Variants in SNX18 observed in about 807,000 individuals in gnomAD.
The protein encoded by SNX18 is sorting nexin-18.
In SNX18, 35 loss-of-function variants were observed where a neutral mutation model predicts 48.7. The ratio of observed to expected loss-of-function variants is 0.72; its 90% CI spans 0.55 to 0.95. SNX18 has a LOEUF of 0.95. SNX18 is among the 40% of genes least tolerant of loss of function. SNX18 has a pLI of 0.00. For synonymous variants in SNX18, 492 were observed against 384.7 expected (o/e 1.28, Z -3.26); for missense variants, 824 against 871.0 (o/e 0.95, Z 0.68).
chr5:54,560,669 A>G, the SNX18 span, among the ~76,000 whole-genome samples: 3 of 152,244 alleles, frequency 2.0e-5, no homozygotes, highest in South Asian at 2.1e-4. Context: ...AAGAGTGGCT[A>G]TCATTATAAA....
At chr5:54,583,870 G>T in the SNX18 span, among the ~76,000 whole-genome samples, 1 of 152,040 alleles carries the variant, frequency 6.6e-6, no homozygotes, top group Non-Finnish European at 1.5e-5. Flanking sequence ...TCACCCTGCC[G>T]GGTGTTCCAG....
At chr5:54,546,656 C>G (rs1580113173), downstream of SNX18, 1 of 152,272 alleles carries the variant, frequency 6.6e-6, no homozygotes, top group Admixed American at 6.5e-5. Flanking sequence ...AAGAATTACA[C>G]AGAAAAATAG....
chr5:54,645,842 A>T, the SNX18 span: 5 of 152,328 alleles, frequency 3.3e-5, no homozygotes, highest in South Asian at 1.0e-3. Context: ...TCCTTCATTG[A>T]CTAGCTATTT....
the SNX18 span, among the ~76,000 whole-genome samples, chr5:54,564,263 T>C: frequency 1.4e-4 from 21 of 151,436 alleles, no homozygotes; most frequent in African/African-American, 4.8e-4. Context: ...TGAAACTCCA[T>C]CTCAAAATAA....
chr5:54,603,145 A>G, the SNX18 span, among the ~76,000 whole-genome samples: 2 of 150,608 alleles, frequency 1.3e-5, no homozygotes, highest in African/African-American at 4.9e-5. Flanking sequence ...TTTATTTCAT[A>G]TAATGTAGGG....
the SNX18 span, among the ~76,000 whole-genome samples, chr5:54,582,038 T>G: frequency 6.6e-6 from 1 of 152,202 alleles, no homozygotes; most frequent in Non-Finnish European, 1.5e-5. Flanking sequence ...GTGTTCAAGT[T>G]GTCCATGAGA....
At chr5:54,612,806 G>A in the SNX18 span, among the ~76,000 whole-genome samples, 1 of 152,116 alleles carries the variant, frequency 6.6e-6, no homozygotes, top group Non-Finnish European at 1.5e-5. Context: ...TCAGGAGACA[G>A]TGACAGGAGG....
chr5:54,561,489 C>T, the SNX18 span, among the ~76,000 whole-genome samples: 18 of 150,970 alleles, frequency 1.2e-4, no homozygotes, highest in East Asian at 2.3e-3. Flanking sequence ...AGGCACACAC[C>T]GGCACGCCCA....
Position 54,517,791 on chromosome 5 carries a change from G to A in SNX18, c.-162G>A. 1.7e-6 allele frequency: 1 copy of A among 603,144 alleles called. No individual in the cohort carries two copies. The highest frequency in any genetic ancestry group is 2.4e-6 in the Non-Finnish European group (1 of 419,824). The allele number at this position is 603,144 out of a possible 1,614,324, so 37.4% of individuals were successfully genotyped here. On this transcript the variant is annotated 5_prime_UTR_variant, in exon 1 of 2. Coordinates refer to ENST00000381410, the MANE Select transcript of SNX18 (RefSeq NM_001102575.2). Reference sequence around the variant, plus strand: ...GCTGCGAAGTGGAGGCGCTGCGAGCGGAGCCGCGCGGAGGGCGCGACCGGC... The same window carrying A: ...GCTGCGAAGTGGAGGCGCTGCGAGCAGAGCCGCGCGGAGGGCGCGACCGGC...
At position 54,518,503 on chromosome 5, in the gene SNX18, C is replaced by T. The variant is rs1232489939; in HGVS notation, c.551C>T (p.Ser184Leu). The T allele has an allele frequency of 6.4e-7, 1 of 1,556,502 alleles. No individual in the cohort carries two copies. Among genetic ancestry groups the T allele is most frequent in the East Asian group, 2.4e-5 (1 of 41,166 alleles). ...GAYPDLDGSS[S>L]AGVGAAGRYR... is the part of the protein sequence containing the mutation. ...TACCCGGACCTCGACGGCTCGTCTT[C>T]GGCGGGTGTGGGCGCAGCCGGCCGC... The change falls in exon 1 of 2, where the codon TCG becomes TTG. Residue 184 changes from serine (S) to leucine (L), a missense_variant. Ser to Leu is a moderately radical substitution (Grantham distance 145, BLOSUM62 -2). Around this residue, in one of 3 missense-constraint regions of SNX18, gnomAD observed 377 missense variants for 350.6 expected, o/e 1.08. Transcript: ENST00000381410.
chr5:54,554,363 G>A, the SNX18 span, among the ~76,000 whole-genome samples: 1 of 152,148 alleles, frequency 6.6e-6, no homozygotes, highest in African/African-American at 2.4e-5. Context: ...GCTTCACTAT[G>A]TTTTAAAAGC....
intron 1 of SNX18, among the ~76,000 whole-genome samples, chr5:54,539,821 GT>G (rs151231673): frequency 0.51 from 77,008 of 151,728 alleles, 19,972 homozygotes; most frequent in African/African-American, 0.62. Flanking sequence ...GAGTCTTTGG[GT>G]TTTTTTGTTT....
chr5:54,645,246 A>C, the SNX18 span: 1 of 152,234 alleles, frequency 6.6e-6, no homozygotes, highest in Non-Finnish European at 1.5e-5. Context: ...ATTCATGTCA[A>C]TTAGGTAATT....
At chr5:54,574,820 C>T in the SNX18 span, among the ~76,000 whole-genome samples, 1 of 152,094 alleles carries the variant, frequency 6.6e-6, no homozygotes, top group Non-Finnish European at 1.5e-5. Flanking sequence ...CTAGAGACTA[C>T]CAGCGAGATG....
At chr5:54,540,783 G>A (rs1241318784) in intron 1 of SNX18, among the ~76,000 whole-genome samples, 1 of 152,256 alleles carries the variant, frequency 6.6e-6, no homozygotes, top group South Asian at 2.1e-4. Flanking sequence ...GACAGGTCAG[G>A]ATCTGAGCAG....
At chr5:54,567,103 T>C in the SNX18 span, among the ~76,000 whole-genome samples, 1 of 152,154 alleles carries the variant, frequency 6.6e-6, no homozygotes, top group Non-Finnish European at 1.5e-5. Flanking sequence ...CTCATCAAAT[T>C]TGTGTTATTA....
chr5:54,519,090 A>T lies in SNX18; in HGVS notation c.1138A>T (p.Thr380Ser), dbSNP rs150828236. The change falls in exon 1 of 2, where the codon ACG (threonine) becomes TCG (serine). Residue 380 changes from threonine (T) to serine (S), a missense_variant. Physicochemically the swap from Thr to Ser is moderately conservative, Grantham distance 58 (BLOSUM62 1). Coordinates refer to ENST00000381410, the MANE Select transcript of SNX18 (RefSeq NM_001102575.2). The part of the protein sequence containing the change: ...AQCDVFQHFL[T>S]CPSSTDEKAW... ...GTGCGACGTCTTCCAGCACTTCCTG[A>T]CGTGCCCCAGCAGCACCGACGAGAA... 804 of 1,613,872 alleles carry T rather than the reference A, an allele frequency of 5.0e-4. 1 individual carries two copies. The highest frequency in any genetic ancestry group is 6.6e-4 in the Non-Finnish European group (781 of 1,180,026).
chr5:54,609,210 G>A, the SNX18 span, among the ~76,000 whole-genome samples: 1 of 152,122 alleles, frequency 6.6e-6, no homozygotes, highest in African/African-American at 2.4e-5. Flanking sequence ...TGCAGCTAGT[G>A]CCACCGAGGA....
the SNX18 span, among the ~76,000 whole-genome samples, chr5:54,560,710 T>C: frequency 6.6e-6 from 1 of 152,246 alleles, no homozygotes; most frequent in African/African-American, 2.4e-5. Context: ...CTTTGAAAGA[T>C]GTCCCATGCA....
Sources: gnomAD v4.1 joint callset for allele counts (sites outside exome capture counted in the v4.1 genomes callset) on GRCh38, gnomAD v4.1.1 for gene constraint, gnomAD v4.1.1 regional missense constraint, MANE v1.5 for transcripts, NCBI Gene and HGNC (gene_info 2026-07-23, HGNC 2026-07-21) for gene names.